The following TCF12 variants were observed in gnomAD, a reference collection of about 807,000 sequenced individuals.
The protein encoded by TCF12 is transcription factor 12.
TCF12 carries 45 observed loss-of-function variants against 86.0 expected under a neutral mutation model. The ratio of observed to expected loss-of-function variants is 0.52; its 90% confidence interval spans 0.41 to 0.67. TCF12 has a LOEUF of 0.67. Among genes scored for constraint, TCF12 ranks in the 30% least tolerant of loss-of-function variants. TCF12 has a pLI of 0.00. For missense variants in TCF12, 881 were observed against 859.9 expected (o/e 1.02, Z -0.31); for synonymous variants, 330 against 299.6 (o/e 1.10, Z -1.05).
At chr15:56,986,426 T>A (rs1382453331) in intron 3 of TCF12, among the ~76,000 whole-genome samples, 1 of 151,462 alleles carries the variant, frequency 6.6e-6, no homozygotes, top group Non-Finnish European at 1.5e-5. Context: ...CTGTGTTTTC[T>A]TGAGGAAATG....
intron 19 of TCF12, among the ~76,000 whole-genome samples, chr15:57,277,249 C>A (rs1218112042): frequency 6.6e-6 from 1 of 152,062 alleles, no homozygotes; most frequent in Non-Finnish European, 1.5e-5. Flanking sequence ...CACTTAATCC[C>A]AGGAATTTGA....
chr15:57,202,253 C>T (rs979740796), intron 8 of TCF12, among the ~76,000 whole-genome samples: 1 of 151,926 alleles, frequency 6.6e-6, no homozygotes, highest in African/African-American at 2.4e-5. Flanking sequence ...TTCTTTAATA[C>T]CTTGGTTTAT....
intron 6 of TCF12, among the ~76,000 whole-genome samples, chr15:57,185,702 G>C (rs1337460852): frequency 6.6e-6 from 1 of 152,116 alleles, no homozygotes; most frequent in East Asian, 1.9e-4. Flanking sequence ...GGGCAACATA[G>C]TGAGACCCCA....
chr15:56,975,872 AG>A (rs2038573025), intron 3 of TCF12, among the ~76,000 whole-genome samples: 1 of 151,682 alleles, frequency 6.6e-6, no homozygotes, highest in South Asian at 2.1e-4. Flanking sequence ...AATGTACAAG[AG>A]AAACATGGAA....
chr15:56,983,370 G>T (rs1364793612), intron 3 of TCF12, among the ~76,000 whole-genome samples: 1 of 152,100 alleles, frequency 6.6e-6, no homozygotes, highest in African/African-American at 2.4e-5. Context: ...CTGATAGAAG[G>T]TTGCATTTCT....
intron 3 of TCF12, among the ~76,000 whole-genome samples, chr15:56,981,213 G>A (rs369701940): frequency 1.3e-5 from 2 of 152,126 alleles, no homozygotes; most frequent in Non-Finnish European, 2.9e-5. Flanking sequence ...ACAGAATACC[G>A]GAGACTGGGT....
chr15:57,000,658 TAAG>T (rs1421903980), intron 3 of TCF12, among the ~76,000 whole-genome samples: 2 of 152,062 alleles, frequency 1.3e-5, no homozygotes, highest in African/African-American at 4.8e-5. Context: ...AAATTAAAAA[TAAG>T]AAATCAGTGA....
At chr15:57,271,171 C>T (rs2061124165) in intron 18 of TCF12, among the ~76,000 whole-genome samples, 2 of 152,228 alleles carry the variant, frequency 1.3e-5, no homozygotes, top group South Asian at 4.1e-4. Flanking sequence ...GCCCTGCCCT[C>T]AGAGGTGGAA....
chr15:57,109,592 G>A (rs578083909), intron 5 of TCF12, among the ~76,000 whole-genome samples: 5 of 152,182 alleles, frequency 3.3e-5, no homozygotes, highest in Admixed American at 1.3e-4. Flanking sequence ...TGTGGCCTAG[G>A]TTAGCCATTA....
intron 3 of TCF12, among the ~76,000 whole-genome samples, chr15:57,031,818 AT>A (rs2066209066): frequency 6.6e-6 from 1 of 152,018 alleles, no homozygotes; most frequent in East Asian, 1.9e-4. Flanking sequence ...ATCCCTTGTT[AT>A]TTTTTCTTTT....
chr15:57,287,578 A>G lies in TCF12; in HGVS notation c.*1433A>G, dbSNP rs1377011480. 1 of 152,672 alleles carries G rather than the reference A, an allele frequency of 6.5e-6. No individual in the cohort carries two copies. The highest frequency in any genetic ancestry group is 1.5e-5 in the Non-Finnish European group (1 of 68,042). 9.5% of individuals were successfully genotyped at this position (152,672 alleles called of 1,614,324 possible). ...ACTTCCATGAAACCTGTCTTCCACC[A>G]CAACAACCCTGGGAGAGAAAAACAT... On this transcript the variant is annotated 3_prime_UTR_variant, in exon 21 of 21. Transcript: ENST00000333725.
chr15:56,939,497 C>T (rs550249879), intron 3 of TCF12, among the ~76,000 whole-genome samples: 1 of 152,256 alleles, frequency 6.6e-6, no homozygotes, highest in African/African-American at 2.4e-5. Flanking sequence ...CTTACCCTAA[C>T]ATTTTTTAGA....
chr15:57,061,096 T>C (rs959328620), intron 3 of TCF12, among the ~76,000 whole-genome samples: 4 of 152,238 alleles, frequency 2.6e-5, no homozygotes, highest in East Asian at 3.8e-4. Context: ...TACTACTCTT[T>C]AGCTGGTGAT....
At chr15:57,045,139 G>C (rs182223268) in intron 3 of TCF12, among the ~76,000 whole-genome samples, 43 of 152,266 alleles carry the variant, frequency 2.8e-4, no homozygotes, top group African/African-American at 1.0e-3. Context: ...GGTGATTATA[G>C]ACACTTAGAA....
At chr15:57,186,977 T>G (rs1483548727) in intron 6 of TCF12, among the ~76,000 whole-genome samples, 2 of 152,090 alleles carry the variant, frequency 1.3e-5, no homozygotes, top group Non-Finnish European at 2.9e-5. Flanking sequence ...GGCCAGGAGT[T>G]CAAGACCAGC....
intron 5 of TCF12, among the ~76,000 whole-genome samples, chr15:57,102,202 G>A (rs1567425849): frequency 1.3e-5 from 2 of 152,108 alleles, no homozygotes; most frequent in Non-Finnish European, 2.9e-5. Context: ...ACAGTTGGTG[G>A]CCTGGATTTG....
At chr15:56,919,569 C>CG (rs1232992004) in intron 1 of TCF12, 1 of 191,710 alleles carries the variant, frequency 5.2e-6, no homozygotes, top group Non-Finnish European at 1.1e-5. Flanking sequence ...GCCCGGCGCG[C>CG]GGAGCACCCG....
intron 5 of TCF12, among the ~76,000 whole-genome samples, chr15:57,158,192 TTTTTTTTTTTCTTTGAGACAGTA>T (rs2054256229): frequency 6.7e-6 from 1 of 150,104 alleles, no homozygotes; most frequent in Non-Finnish European, 1.5e-5. Flanking sequence ...TCGTTTCTTT[TTTTTTTTTTTCTTTGAGACAGTA>T]TCTCACTCTG....
chr15:56,955,874 G>A (rs1393125043), intron 3 of TCF12, among the ~76,000 whole-genome samples: 1 of 152,082 alleles, frequency 6.6e-6, no homozygotes, highest in Non-Finnish European at 1.5e-5. Context: ...ATTTATCCTT[G>A]CAGTTTCATC....
Sources: allele counts gnomAD v4.1 joint callset (sites outside exome capture counted in the v4.1 genomes callset), GRCh38; gene constraint gnomAD v4.1.1; transcripts MANE v1.5; gene names NCBI Gene and HGNC (gene_info 2026-07-23, HGNC 2026-07-21).